Variants in CHCHD6 observed in about 807,000 individuals in gnomAD.
CHCHD6 encodes coiled-coil-helix-coiled-coil-helix domain containing 6.
Under a neutral mutation model 32.3 loss-of-function variants are expected in CHCHD6, and 28 were observed. The observed-to-expected ratio is 0.87, with a 90% confidence interval of 0.64 to 1.19. The LOEUF (loss-of-function observed/expected upper bound fraction) is 1.19, where lower values mean the gene tolerates loss of function less well. Ranked by LOEUF, CHCHD6 falls within the 50% of genes most tolerant of loss-of-function variation. The pLI is 0.00. For synonymous variants in CHCHD6, 122 were observed against 117.5 expected, an observed-to-expected ratio of 1.04 and a Z score of -0.25; for missense variants, 333 against 307.0, an observed-to-expected ratio of 1.08 and a Z score of -0.63.
chr3:126,815,040 A>G (rs1245292107), intron 4 of CHCHD6, among the ~76,000 whole-genome samples: 1 of 152,190 alleles, frequency 6.6e-6, no homozygotes, highest in Non-Finnish European at 1.5e-5. Flanking sequence ...TTTTGGGCTC[A>G]CAGAAGTCTT....
intron 5 of CHCHD6, among the ~76,000 whole-genome samples, chr3:126,859,871 G>A (rs1229621365): frequency 1.3e-5 from 2 of 152,230 alleles, no homozygotes; most frequent in African/African-American, 4.8e-5. Flanking sequence ...ACGAAGTGAG[G>A]CCTCGCTCAT....
chr3:126,898,260 T>G (rs950091290), intron 5 of CHCHD6, among the ~76,000 whole-genome samples: 1 of 152,216 alleles, frequency 6.6e-6, no homozygotes, highest in African/African-American at 2.4e-5. Context: ...TGGGAAAGTT[T>G]GTTTTGTTTT....
intron 3 of CHCHD6, among the ~76,000 whole-genome samples, chr3:126,731,605 C>T (rs1029208371): frequency 2.6e-5 from 4 of 152,132 alleles, no homozygotes. Flanking sequence ...CTTCAGCATC[C>T]TTGAGGAAAT....
At chr3:126,706,401 G>T (rs1934489538) in intron 1 of CHCHD6, among the ~76,000 whole-genome samples, 1 of 152,164 alleles carries the variant, frequency 6.6e-6, no homozygotes, top group Non-Finnish European at 1.5e-5. Flanking sequence ...TCTTTTCGGT[G>T]CAAAAAGCAA....
chr3:126,919,957 T>C (rs2078223099), intron 6 of CHCHD6, among the ~76,000 whole-genome samples: 2 of 152,090 alleles, frequency 1.3e-5, no homozygotes, highest in African/African-American at 4.8e-5. Flanking sequence ...CTTACCATTA[T>C]CTCTTCAAAT....
intron 4 of CHCHD6, among the ~76,000 whole-genome samples, chr3:126,801,554 C>T (rs980945595): frequency 1.1e-4 from 17 of 152,220 alleles, no homozygotes; most frequent in Non-Finnish European, 1.8e-4. Flanking sequence ...AACAAAGCAG[C>T]CAGGAACCTC....
chr3:126,855,988 C>G (rs1271321421), intron 5 of CHCHD6, among the ~76,000 whole-genome samples: 4 of 152,180 alleles, frequency 2.6e-5, no homozygotes, highest in Non-Finnish European at 4.4e-5. Context: ...TTAGCACTCT[C>G]CCTAACAGGT....
intron 6 of CHCHD6, among the ~76,000 whole-genome samples, chr3:126,937,419 G>A (rs971659974): frequency 6.6e-6 from 1 of 152,148 alleles, no homozygotes; most frequent in African/African-American, 2.4e-5. Context: ...AGCCTGGTAC[G>A]TCTCTCAGGA....
At chr3:126,713,049 C>T (rs562589064) in intron 1 of CHCHD6, among the ~76,000 whole-genome samples, 51 of 152,336 alleles carry the variant, frequency 3.3e-4, no homozygotes, top group African/African-American at 1.1e-3. Flanking sequence ...GTTCTCTCCT[C>T]TTTGTCCTTC....
chr3:126,730,344 G>T (rs1381703181), intron 2 of CHCHD6, among the ~76,000 whole-genome samples: 1 of 152,208 alleles, frequency 6.6e-6, no homozygotes, highest in Non-Finnish European at 1.5e-5. Flanking sequence ...ACCCCTTCGG[G>T]ATAAGAGGTG....
chr3:126,733,002 G>A (rs923053259), intron 3 of CHCHD6, 76 bp from the exon 4 acceptor site: 18 of 1,520,908 alleles, frequency 1.2e-5, no homozygotes, highest in Non-Finnish European at 1.6e-5. Context: ...TGAAGTGAGT[G>A]CGCAGATCTT....
At chr3:126,873,581 G>T (rs1404650580) in intron 5 of CHCHD6, among the ~76,000 whole-genome samples, 2 of 152,210 alleles carry the variant, frequency 1.3e-5, no homozygotes, top group East Asian at 3.8e-4. Flanking sequence ...AATCCACAGG[G>T]CTGGGGCTGG....
At chr3:126,878,476 G>C (rs1320134081) in intron 5 of CHCHD6, among the ~76,000 whole-genome samples, 1 of 152,204 alleles carries the variant, frequency 6.6e-6, no homozygotes, top group East Asian at 1.9e-4. Context: ...GCTCCCACGA[G>C]CCACACTTAG....
chr3:126,809,394 A>T (rs528192648), intron 4 of CHCHD6, among the ~76,000 whole-genome samples: 17 of 152,166 alleles, frequency 1.1e-4, no homozygotes, highest in Non-Finnish European at 4.4e-5. Flanking sequence ...TTCTTCAAAG[A>T]CATGCTCAGG....
rs869191195 is a variant in CHCHD6 at position 126,871,661 on chromosome 3, C to CTT, written c.495+18952_495+18953dup. Reference sequence around the variant, plus strand: ...TATGCTCTTCCCCCCGACCCCCCAACTTTTTTTTTTTTTTTTTTTTTTGAG... The same window carrying CTT: ...TATGCTCTTCCCCCCGACCCCCCAACTTTTTTTTTTTTTTTTTTTTTTTTGAG... On this transcript the variant is annotated intron_variant, in intron 5 of 7. Coordinates refer to ENST00000290913, the MANE Select transcript of CHCHD6 (RefSeq NM_032343.3). Among the ~76,000 whole-genome samples, 317 of 125,128 alleles carry CTT rather than the reference C, an allele frequency of 2.5e-3. 3 individuals carry two copies. Among genetic ancestry groups the CTT allele is most frequent in the East Asian group, 3.5e-3 (16 of 4,508 alleles). 82.1% of individuals were successfully genotyped at this position (125,128 alleles called of 152,430 possible).
intron 4 of CHCHD6, among the ~76,000 whole-genome samples, chr3:126,836,259 T>C (rs991994478): frequency 1.3e-5 from 2 of 152,234 alleles, no homozygotes; most frequent in Non-Finnish European, 2.9e-5. Flanking sequence ...GTGTTTGTTA[T>C]GTCTCTCGAA....
chr3:126,760,237 T>C (rs1937111176), intron 4 of CHCHD6, among the ~76,000 whole-genome samples: 1 of 152,228 alleles, frequency 6.6e-6, no homozygotes, highest in Non-Finnish European at 1.5e-5. Context: ...GGGTGATGCT[T>C]TGCAAGTGTG....
chr3:126,788,286 C>CT (rs774472039), intron 4 of CHCHD6, among the ~76,000 whole-genome samples: 1 of 152,094 alleles, frequency 6.6e-6, no homozygotes, highest in Non-Finnish European at 1.5e-5. Flanking sequence ...CTAAAATTCT[C>CT]TTTTTTGGTT....
intron 6 of CHCHD6, among the ~76,000 whole-genome samples, chr3:126,923,633 G>C (rs1559925005): frequency 6.6e-6 from 1 of 152,252 alleles, no homozygotes; most frequent in Admixed American, 6.5e-5. Flanking sequence ...CAGGGACTTT[G>C]TGGTAACCGA....
Sources: allele counts gnomAD v4.1 joint callset (sites outside exome capture counted in the v4.1 genomes callset), GRCh38; gene constraint gnomAD v4.1.1; transcripts MANE v1.5; gene names NCBI Gene and HGNC (gene_info 2026-07-23, HGNC 2026-07-21).